Variants in ATP6V0D2 observed in about 807,000 individuals in gnomAD.
ATP6V0D2 encodes ATPase H+ transporting V0 subunit d2.
Under a neutral mutation model 40.0 loss-of-function variants are expected in ATP6V0D2, and 40 were observed. The ratio of observed to expected loss-of-function variants is 1.00; its 90% CI spans 0.78 to 1.30. The LOEUF is 1.30. Ranked by LOEUF, ATP6V0D2 falls within the 50% of genes most tolerant of loss-of-function variation. The pLI is 0.00. For synonymous variants in ATP6V0D2, 179 were observed against 156.3 expected (o/e 1.15, Z -1.08); for missense variants, 470 against 423.1 (o/e 1.11, Z -0.97).
intron 3 of ATP6V0D2, among the ~76,000 whole-genome samples, chr8:86,140,990 C>T (rs1358951624): frequency 6.6e-6 from 1 of 152,188 alleles, no homozygotes; most frequent in African/African-American, 2.4e-5. Flanking sequence ...AGGCATTAGA[C>T]TCTCATAAGT....
Position 86,141,486 on chromosome 8 carries a change from T to C in ATP6V0D2, c.518T>C (p.Leu173Pro). The C allele has an allele frequency of 6.2e-7, 1 of 1,610,896 alleles. No individual in the cohort carries two copies. The highest frequency in any genetic ancestry group is 8.5e-7 in the Non-Finnish European group (1 of 1,178,236). ...FFQDCMSENA[L>P]DELNIELLRN... ...CAAGACTGCATGTCTGAAAATGCTC[T>C]AGATGAACTGAATATTGAATTGCTA... Residue 173 changes from leucine (L) to proline (P), a missense_variant, in exon 4 of 8, where the codon CTA becomes CCA. By Grantham distance (98) the Leu-to-Pro change is moderately conservative (BLOSUM62 -3). Transcript: ENST00000285393.
At chr8:86,151,785 A>G (rs1199039745) in intron 7 of ATP6V0D2, among the ~76,000 whole-genome samples, 1 of 149,300 alleles carries the variant, frequency 6.7e-6, no homozygotes, top group Non-Finnish European at 1.5e-5. Context: ...TACCCTCCTA[A>G]AAGAGTTTAC....
rs757423067 is a variant in ATP6V0D2, at chr8:86,151,510, G to C, written c.861G>C (p.Lys287Asn). 8 of 1,608,230 alleles carry C rather than the reference G, an allele frequency of 5.0e-6. No individual in the cohort carries two copies. The highest frequency in any genetic ancestry group is 6.8e-6 in the Non-Finnish European group (8 of 1,177,570). The part of the protein sequence containing the change: ...LFEAVGGSGG[K>N]TLEDVFYERE... The stretch of plus-strand genomic sequence containing the variant: ...AAGCTGTAGGTGGCAGTGGGGGAAA[G>C]ACATTGGAGGACGTGTTTTACGAGC... The change falls in exon 7 of 8, where the codon AAG (lysine) becomes AAC (asparagine). Residue 287 changes from lysine (K) to asparagine (N), a missense_variant. Lys to Asn is a moderately conservative substitution (Grantham distance 94). Coordinates refer to ENST00000285393, the MANE Select transcript of ATP6V0D2 (RefSeq NM_152565.1).
intron 1 of ATP6V0D2, among the ~76,000 whole-genome samples, chr8:86,101,546 G>T (rs1231788216): frequency 4.6e-5 from 7 of 150,542 alleles, no homozygotes; most frequent in African/African-American, 1.7e-4. Flanking sequence ...TATATTTTCT[G>T]CCAAGGTCCC....
At chr8:86,101,462 GAAAAAAA>G (rs59915079) in intron 1 of ATP6V0D2, among the ~76,000 whole-genome samples, 2,281 of 78,202 alleles carry the variant, frequency 0.029, 60 homozygotes, top group African/African-American at 0.092. Context: ...CCTGTCTCAG[GAAAAAAA>G]AAAAAAAAAA....
At chr8:86,151,695 T>C (rs1819155457) in intron 7 of ATP6V0D2, among the ~76,000 whole-genome samples, 155 bp downstream of exon 7, 1 of 151,838 alleles carries the variant, frequency 6.6e-6, no homozygotes, top group African/African-American at 2.4e-5. Flanking sequence ...GCTACAAAGT[T>C]ACACACAGAC....
chr8:86,121,233 C>T (rs964441651), intron 2 of ATP6V0D2, among the ~76,000 whole-genome samples: 1 of 152,148 alleles, frequency 6.6e-6, no homozygotes, highest in Non-Finnish European at 1.5e-5. Context: ...ACCCTGGCAG[C>T]ATTCAGTTGC....
chr8:86,107,825 C>G (rs923969857), intron 1 of ATP6V0D2, among the ~76,000 whole-genome samples: 1 of 152,138 alleles, frequency 6.6e-6, no homozygotes, highest in African/African-American at 2.4e-5. Context: ...GGAAGAAATG[C>G]AGGGCATTTG....
chr8:86,145,319 AAG>A (rs1335469965), intron 5 of ATP6V0D2, among the ~76,000 whole-genome samples: 300 of 46,876 alleles, frequency 6.4e-3, no homozygotes, highest in African/African-American at 0.025. Flanking sequence ...GAAAAGAAAG[AAG>A]GAAAGAAGGA....
chr8:86,112,298 T>A (rs1415218436), intron 1 of ATP6V0D2, among the ~76,000 whole-genome samples: 1 of 152,216 alleles, frequency 6.6e-6, no homozygotes, highest in Non-Finnish European at 1.5e-5. Context: ...GATAATTAAA[T>A]CTTTACAGAA....
intron 1 of ATP6V0D2, among the ~76,000 whole-genome samples, chr8:86,110,846 A>G (rs1361738741): frequency 6.6e-6 from 1 of 152,066 alleles, no homozygotes; most frequent in East Asian, 1.9e-4. Context: ...CTGGGATAGG[A>G]CAGGACAGGA....
Position 86,100,215 on chromosome 8 carries a change from A to AT in ATP6V0D2, c.130+1117dup, listed in dbSNP as rs113388826. On this transcript the variant is annotated intron_variant, in intron 1 of 7. Coordinates refer to ENST00000285393, the MANE Select transcript of ATP6V0D2 (RefSeq NM_152565.1). ...CAAGTGGAAATTGTCTCTAAACCACATTTTTTTTTTCAAAACCTTACCAAA... is the reference window on the plus strand; with the variant it reads ...CAAGTGGAAATTGTCTCTAAACCACATTTTTTTTTTTCAAAACCTTACCAAA... Among the ~76,000 whole-genome samples the AT allele has an allele frequency of 5.2e-3, 768 of 147,932 alleles. 5 individuals carry two copies. The highest frequency in any genetic ancestry group is 6.6e-3 in the Non-Finnish European group (441 of 66,626).
chr8:86,119,614 A>G (rs1818642675), intron 2 of ATP6V0D2, among the ~76,000 whole-genome samples: 1 of 152,232 alleles, frequency 6.6e-6, no homozygotes, highest in South Asian at 2.1e-4. Flanking sequence ...CTACTGTGTT[A>G]CAAATATACT....
At chr8:86,112,666 G>A (rs1277477527) in intron 1 of ATP6V0D2, among the ~76,000 whole-genome samples, 1 of 151,990 alleles carries the variant, frequency 6.6e-6, no homozygotes, top group East Asian at 1.9e-4. Context: ...AGGGGTGGGG[G>A]AAGAAATTCT....
chr8:86,116,814 A>G (rs1275689909), intron 2 of ATP6V0D2, among the ~76,000 whole-genome samples: 2 of 152,226 alleles, frequency 1.3e-5, no homozygotes, highest in Non-Finnish European at 2.9e-5. Flanking sequence ...TTCTCAACAA[A>G]GGTAGCACCA....
intron 4 of ATP6V0D2, among the ~76,000 whole-genome samples, chr8:86,141,938 T>A (rs1178083967): frequency 1.3e-5 from 2 of 152,182 alleles, no homozygotes; most frequent in Non-Finnish European, 2.9e-5. Context: ...TCACAGCTAA[T>A]CTGCCCACAC....
intron 6 of ATP6V0D2, 88 bp from the exon 7 acceptor site, chr8:86,151,378 C>T: frequency 1.0e-6 from 1 of 958,042 alleles, no homozygotes; most frequent in Non-Finnish European, 1.5e-6. Context: ...TAAATAGGTA[C>T]ACAATTTCTA....
chr8:86,105,616 C>CTTTTTTTTTT lies in ATP6V0D2; in HGVS notation c.130+6512_130+6513insTTTTTTTTTT, dbSNP rs1401385712. The stretch of plus-strand genomic sequence containing the variant: ...TGCCTAGCCTGTAAACTTCTTTTTT[C>CTTTTTTTTTT]TTTTCTTTTTTTTTTTTTTTGAGAT... On this transcript the variant is annotated intron_variant, in intron 1 of 7. Transcript: ENST00000285393. Among the ~76,000 whole-genome samples the CTTTTTTTTTT allele has an allele frequency of 3.7e-3, 479 of 131,108 alleles. 8 individuals carry two copies. Among genetic ancestry groups the CTTTTTTTTTT allele is most frequent in the Non-Finnish European group, 5.2e-3 (323 of 62,430 alleles). The allele number at this position is 131,108 out of a possible 152,430, so 86.0% of individuals were successfully genotyped here.
At position 86,152,248 on chromosome 8, in the gene ATP6V0D2, T is replaced by G. The variant is rs560686966; in HGVS notation, c.892-568T>G. 3.3e-5 allele frequency among the ~76,000 whole-genome samples: 5 copies of G among 152,342 alleles called. No homozygotes were observed. The East Asian group carries it at 9.7e-4, about 29-fold the overall frequency. The stretch of plus-strand genomic sequence containing the variant: ...TTTATCCATGTCCCTGCAAAGGACA[T>G]GAACTCATCCTTTTTTATGGCTGCA... On this transcript the variant is annotated intron_variant, in intron 7 of 7. Transcript: ENST00000285393.
Sources: gnomAD v4.1 joint callset for allele counts (sites outside exome capture counted in the v4.1 genomes callset) on GRCh38, gnomAD v4.1.1 for gene constraint, MANE v1.5 for transcripts, NCBI Gene and HGNC (gene_info 2026-07-23, HGNC 2026-07-21) for gene names.